SOX6: variants seen among roughly 807,000 people sequenced by gnomAD.
SOX6 encodes transcription factor SOX-6.
SOX6 carries 11 observed loss-of-function variants against 97.8 expected under a neutral mutation model. The observed-to-expected ratio is 0.11, with a 90% confidence interval of 0.07 to 0.19. The LOEUF is 0.19. Ranked by LOEUF, SOX6 falls within the 10% of genes least tolerant of loss-of-function variation. The pLI is 1.00. For synonymous variants in SOX6, 360 were observed against 371.4 expected (o/e 0.97, Z 0.35); for missense variants, 810 against 1,039.5 (o/e 0.78, Z 3.04).
Position 16,605,320 on chromosome 11 carries a change from C to T in SOX6, n.609+6761G>A, listed in dbSNP as rs1463441554. ...GTCCGCGCCCGGCGGGGCTGAACTA[C>T]CCCTCGCCCCCGCTCCCGCCAGGTC... On this transcript the variant is annotated intron_variant and non_coding_transcript_variant, in intron 4 of 5. Coordinates refer to the SOX6 transcript ENST00000524520. This position sits in a 1 kb window ranked among gnomAD's most constrained non-coding sequence, Gnocchi z 5.3. 1.3e-5 allele frequency among the ~76,000 whole-genome samples: 2 copies of T among 152,164 alleles called. No homozygotes were observed. Among genetic ancestry groups the T allele is most frequent in the Middle Eastern group, 3.2e-3 (1 of 314 alleles).
intron 3 of SOX6, among the ~76,000 whole-genome samples, chr11:16,686,631 G>A (rs1847971214): frequency 6.6e-6 from 1 of 152,142 alleles, no homozygotes; most frequent in Non-Finnish European, 1.5e-5. Context: ...GCAATTTACT[G>A]GTCTCTAAGA....
At chr11:16,526,376 C>T (rs1317428285) in intron 4 of SOX6, among the ~76,000 whole-genome samples, 2 of 150,872 alleles carry the variant, frequency 1.3e-5, no homozygotes, top group African/African-American at 2.4e-5. Flanking sequence ...AGTAAACTAT[C>T]GCAAGGACAA....
intron 4 of SOX6, among the ~76,000 whole-genome samples, chr11:16,570,835 G>C (rs1362098132): frequency 6.6e-6 from 1 of 152,108 alleles, no homozygotes; most frequent in Non-Finnish European, 1.5e-5. Flanking sequence ...CCTGTTTGTA[G>C]ATTGACAATT....
intron 4 of SOX6, among the ~76,000 whole-genome samples, chr11:16,550,429 C>T (rs1847669828): frequency 6.6e-6 from 1 of 151,476 alleles, no homozygotes. Context: ...CAAACCTGCA[C>T]GTTGTGCACA....
intron 10 of SOX6, 98 bp from the exon 11 acceptor site, chr11:16,050,036 C>A: frequency 1.7e-6 from 2 of 1,186,062 alleles, no homozygotes; most frequent in Non-Finnish European, 2.5e-6. Context: ...AGAGACAATG[C>A]CACATTCTCC....
chr11:15,991,022 T>C (rs1854033759), intron 13 of SOX6, among the ~76,000 whole-genome samples: 1 of 152,094 alleles, frequency 6.6e-6, no homozygotes. Context: ...AAAGACAGTA[T>C]AAAAGGGTGG....
At chr11:16,016,793 C>T (rs1854899687) in intron 12 of SOX6, among the ~76,000 whole-genome samples, 1 of 152,042 alleles carries the variant, frequency 6.6e-6, no homozygotes, top group Non-Finnish European at 1.5e-5. Flanking sequence ...CAAATATTTG[C>T]ATGTGAATGC....
intron 3 of SOX6, among the ~76,000 whole-genome samples, chr11:16,701,314 G>A (rs888260426): frequency 3.3e-5 from 5 of 152,012 alleles, no homozygotes; most frequent in African/African-American, 9.7e-5. Context: ...TGTTTCCTAC[G>A]TAAAATGGGA....
At position 16,496,607 on chromosome 11, in the gene SOX6, G is replaced by T. The variant is rs149784586; in HGVS notation, n.610-20219C>A. ...TGACAGACAACACCTGGAAAATTGG[G>T]TCACTCCCACCCTAATACTGCACTT... is the stretch of plus-strand genomic sequence containing the variant. On this transcript the variant is annotated intron_variant and non_coding_transcript_variant, in intron 4 of 5. Coordinates refer to the SOX6 transcript ENST00000524520. Among the ~76,000 whole-genome samples the T allele has an allele frequency of 3.4e-3, 516 of 152,294 alleles. 15 individuals carry two copies. In the East Asian group the frequency reaches 0.052, roughly 15 times the overall value.
intron 3 of SOX6, among the ~76,000 whole-genome samples, chr11:16,679,040 C>A (rs776867513): frequency 6.6e-6 from 1 of 152,254 alleles, no homozygotes; most frequent in Admixed American, 6.5e-5. Flanking sequence ...AAAGGCATAG[C>A]TGAACAAAAG....
At chr11:16,144,878 A>C (rs1358584521) in intron 6 of SOX6, among the ~76,000 whole-genome samples, 1 of 152,244 alleles carries the variant, frequency 6.6e-6, no homozygotes, top group African/African-American at 2.4e-5. Flanking sequence ...AATCAAAAAA[A>C]GTCCAGGACC....
At chr11:16,423,340 TA>T (rs1327419362) in intron 1 of SOX6, among the ~76,000 whole-genome samples, 1 of 152,076 alleles carries the variant, frequency 6.6e-6, no homozygotes, top group East Asian at 1.9e-4. Flanking sequence ...GACAACCCTA[TA>T]AAAAAATTGT....
At chr11:16,292,377 G>A (rs1443494596) in intron 3 of SOX6, among the ~76,000 whole-genome samples, 1 of 152,034 alleles carries the variant, frequency 6.6e-6, no homozygotes, top group African/African-American at 2.4e-5. Flanking sequence ...GCTTTGGAAG[G>A]CTTATCTACA....
chr11:16,389,428 T>C (rs1406020354), intron 1 of SOX6, among the ~76,000 whole-genome samples: 1 of 152,192 alleles, frequency 6.6e-6, no homozygotes, highest in East Asian at 1.9e-4. Flanking sequence ...CTATCTTCAG[T>C]TTCACTGTCA....
At chr11:16,177,269 G>A (rs1038421450) in intron 6 of SOX6, among the ~76,000 whole-genome samples, 5 of 151,848 alleles carry the variant, frequency 3.3e-5, no homozygotes, top group East Asian at 1.9e-4. Context: ...TCATGATGAC[G>A]TTTTCGAGTT....
intron 4 of SOX6, among the ~76,000 whole-genome samples, chr11:16,553,954 A>G (rs867196614): frequency 2.0e-5 from 3 of 152,136 alleles, no homozygotes; most frequent in Non-Finnish European, 4.4e-5. Context: ...GTTACAGAGT[A>G]TTTGAAGTGT....
chr11:16,102,129 T>G (rs926460695), intron 7 of SOX6, among the ~76,000 whole-genome samples: 1 of 151,556 alleles, frequency 6.6e-6, no homozygotes, highest in East Asian at 1.9e-4. Context: ...ACCTAGAAAG[T>G]CCTAAAGACT....
intron 15 of SOX6, 151 bp downstream of exon 15, chr11:15,986,053 T>C (rs778796547): frequency 5.6e-5 from 45 of 798,098 alleles, no homozygotes; most frequent in Admixed American, 4.3e-4. Flanking sequence ...AGTGCCCCTA[T>C]GACACAGCAA....
chr11:16,150,628 G>C (rs913662238), intron 6 of SOX6, among the ~76,000 whole-genome samples: 2 of 152,136 alleles, frequency 1.3e-5, no homozygotes, highest in Non-Finnish European at 2.9e-5. Context: ...CCAGCCATCA[G>C]ACCAGCCACA....
Sources: allele counts gnomAD v4.1 joint callset (sites outside exome capture counted in the v4.1 genomes callset), GRCh38; gene constraint gnomAD v4.1.1; non-coding constraint Gnocchi (gnomAD v3.1); transcripts MANE v1.5; gene names NCBI Gene and HGNC (gene_info 2026-07-23, HGNC 2026-07-21).